Variants in DEAF1 observed in about 807,000 individuals in gnomAD.
DEAF1 encodes deformed epidermal autoregulatory factor 1 homolog.
DEAF1 carries 53 observed loss-of-function variants against 58.9 expected under a neutral mutation model. That is an observed-to-expected ratio of 0.90 (90% confidence interval 0.72 to 1.13). DEAF1 has a LOEUF of 1.13. Ranked by LOEUF, DEAF1 falls within the 50% of genes most tolerant of loss-of-function variation. The pLI, the probability that DEAF1 is intolerant of heterozygous loss-of-function variation, is 0.00. For missense variants in DEAF1, 685 were observed against 791.4 expected (o/e 0.87, Z 1.61); for synonymous variants, 385 against 340.4 (o/e 1.13, Z -1.44).
rs1305775849 is a variant in DEAF1 at position 644,319 on chromosome 11, A to G, written c.*231T>C. ...CTGTGGGCAAGACCGGACGCTCATG[A>G]TCCCAGGGATAAAAAATCTGTCCGC... On this transcript the variant is annotated 3_prime_UTR_variant, in exon 12 of 12. Coordinates refer to ENST00000382409, the MANE Select transcript of DEAF1 (RefSeq NM_021008.4). This position sits in a 1 kb window ranked among gnomAD's most constrained non-coding sequence, Gnocchi z 4.3. The G allele has an allele frequency of 4.9e-6, 3 of 609,132 alleles. No homozygotes were observed. Among genetic ancestry groups the G allele is most frequent in the Non-Finnish European group, 8.9e-6 (3 of 338,814 alleles). 37.7% of individuals were successfully genotyped at this position (609,132 alleles called of 1,614,324 possible).
At chr11:646,500 C>T (rs577509408) in intron 11 of DEAF1, 1 of 152,348 alleles carries the variant, frequency 6.6e-6, no homozygotes, top group South Asian at 2.1e-4. Flanking sequence ...ACAAGGCCCC[C>T]AGGAGTTCTA....
chr11:648,229 T>C (rs546550789), intron 11 of DEAF1, among the ~76,000 whole-genome samples: 15 of 143,598 alleles, frequency 1.0e-4, no homozygotes, highest in South Asian at 2.2e-4. Flanking sequence ...GAGTCTCCCT[T>C]TGTCTCCCAG....
intron 10 of DEAF1, among the ~76,000 whole-genome samples, chr11:670,804 G>T (rs1369676521): frequency 7.7e-6 from 1 of 130,532 alleles, no homozygotes; most frequent in Non-Finnish European, 1.6e-5. Flanking sequence ...TTGAGACGAG[G>T]TCTCACTCTG....
chr11:701,618 C>T (rs1861490598), intron 1 of DEAF1, among the ~76,000 whole-genome samples: 2 of 151,810 alleles, frequency 1.3e-5, no homozygotes, highest in Admixed American at 1.3e-4. Context: ...ACCATGTTAG[C>T]CAGGATGGTT....
At chr11:704,285 A>T (rs925429410) in intron 1 of DEAF1, among the ~76,000 whole-genome samples, 1 of 151,752 alleles carries the variant, frequency 6.6e-6, no homozygotes, top group Non-Finnish European at 1.5e-5. Context: ...TGAGGGCAGG[A>T]GGCTGCGGGA....
intron 10 of DEAF1, among the ~76,000 whole-genome samples, chr11:659,323 G>A (rs191741270): frequency 2.2e-4 from 34 of 152,234 alleles, no homozygotes; most frequent in African/African-American, 7.7e-4. Context: ...AGCCTGGGAG[G>A]TGGAGGTTGC....
At chr11:693,018 A>C (rs908550956) in intron 1 of DEAF1, among the ~76,000 whole-genome samples, 18 of 152,204 alleles carry the variant, frequency 1.2e-4, no homozygotes, top group Non-Finnish European at 2.4e-4. Context: ...GCAGCCGCCC[A>C]AAGCCTCCTC....
At chr11:687,771 C>T in intron 4 of DEAF1, 140 bp downstream of exon 4, 5 of 1,091,122 alleles carry the variant, frequency 4.6e-6, no homozygotes, top group East Asian at 5.0e-5. Context: ...GCTGGTATTA[C>T]AGGCATCAGC....
rs1858418460 is a variant in DEAF1, at chr11:645,000, T to G, written c.1594-346A>C. On this transcript the variant is annotated intron_variant, in intron 11 of 11. Coordinates refer to ENST00000382409, the MANE Select transcript of DEAF1 (RefSeq NM_021008.4). The surrounding 1 kb of genome is among the most constrained non-coding windows in gnomAD (Gnocchi z 4.3). Reference sequence around the variant, plus strand: ...CAACATGGTGAAACCCCGTATCTACTAAAAATACAAAAATTAGCTGGGCAT... The same window carrying G: ...CAACATGGTGAAACCCCGTATCTACGAAAAATACAAAAATTAGCTGGGCAT... 6.6e-6 allele frequency among the ~76,000 whole-genome samples: 1 copy of G among 151,808 alleles called. No individual in the cohort carries two copies. The highest frequency in any genetic ancestry group is 6.6e-5 in the Admixed American group (1 of 15,224).
intron 1 of DEAF1, chr11:694,518 A>C: frequency 3.1e-6 from 1 of 321,700 alleles, no homozygotes; most frequent in East Asian, 4.6e-5. Flanking sequence ...CAGGTGTGAG[A>C]GGCAGATGTG....
In DEAF1 at chr11:688,487, T is replaced by G; in HGVS notation, c.388-27A>C. On this transcript the variant is annotated intron_variant, in intron 2 of 11. Coordinates refer to ENST00000382409, the MANE Select transcript of DEAF1 (RefSeq NM_021008.4). This position sits in a 1 kb window ranked among gnomAD's most constrained non-coding sequence, Gnocchi z 4.3. ...TAGAAGGAAAAACCGCTCCGTCAGG[T>G]CACGTCCGAGAGTGACACCAGGCGT... 6.2e-7 allele frequency: 1 copy of G among 1,612,874 alleles called. No homozygotes were observed. The highest frequency in any genetic ancestry group is 8.5e-7 in the Non-Finnish European group (1 of 1,179,954).
At chr11:700,558 G>A (rs952982610) in intron 1 of DEAF1, 11 of 1,358,652 alleles carry the variant, frequency 8.1e-6, no homozygotes, top group Non-Finnish European at 1.1e-5. Context: ...GCAAGCTGAG[G>A]TGGCTGCTGC....
chr11:692,123 T>C (rs973039272), intron 1 of DEAF1: 1 of 226,340 alleles, frequency 4.4e-6, no homozygotes, highest in Non-Finnish European at 9.0e-6. Flanking sequence ...GACCCCTTCC[T>C]CCTAAAAAGT....
intron 11 of DEAF1, among the ~76,000 whole-genome samples, chr11:650,706 A>C (rs538096231): frequency 3.3e-5 from 5 of 151,584 alleles, no homozygotes; most frequent in African/African-American, 1.2e-4. Flanking sequence ...TCATCCCAGC[A>C]CTTTGGGAGG....
At chr11:690,286 G>C (rs1217236781) in intron 2 of DEAF1, among the ~76,000 whole-genome samples, 338 of 3,776 alleles carry the variant, frequency 0.09, no homozygotes, top group Middle Eastern at 0.25. Flanking sequence ...GAGGGCAGGG[G>C]AGGGCAGGGG....
At chr11:645,385 C>T (rs968984276) in intron 11 of DEAF1, among the ~76,000 whole-genome samples, 4 of 126,530 alleles carry the variant, frequency 3.2e-5, no homozygotes, top group African/African-American at 5.3e-5. Flanking sequence ...CGCGCAATCT[C>T]GGCTCACCAC....
rs1407051916 is a variant in DEAF1 at position 686,868 on chromosome 11, C to T, written c.794G>A (p.Cys265Tyr). The T allele has an allele frequency of 6.2e-7, 1 of 1,614,194 alleles. No homozygotes were observed. Among genetic ancestry groups the T allele is most frequent in the Non-Finnish European group, 8.5e-7 (1 of 1,180,032 alleles). ...GGTCACGGACGATACCTGGATGAGG[C>T]ACTGCAAGGGTCGGCCCGCGTAGCG... is the stretch of plus-strand genomic sequence containing the variant. ...SIRYAGRPLQ[C>Y]LIQDGILNPH... is the part of the protein sequence containing the mutation. The change falls in exon 5 of 12, where the codon TGC becomes TAC. Residue 265 changes from cysteine (C) to tyrosine (Y), a missense_variant. Physicochemically the swap from Cys to Tyr is radical, Grantham distance 194 (BLOSUM62 -2). Transcript: ENST00000382409.
chr11:652,752 ATC>A lies in DEAF1; in HGVS notation c.1593+1208_1593+1209del, dbSNP rs1858836821. Among the ~76,000 whole-genome samples, 16 of 152,128 alleles carry A rather than the reference ATC, an allele frequency of 1.1e-4. 1 individual carries two copies. The highest frequency in any genetic ancestry group is 1.0e-3 in the Admixed American group (16 of 15,248). On this transcript the variant is annotated intron_variant, in intron 11 of 11. Transcript: ENST00000382409. ...ATCACAGGACAAAATATAGACCAGC[ATC>A]TCTCATAAATATGAGAAAAAAAAAC...
intron 1 of DEAF1, chr11:694,490 T>G (rs1590026624): frequency 3.5e-6 from 1 of 286,772 alleles, no homozygotes; most frequent in Non-Finnish European, 6.0e-6. Context: ...GTGGGGAAAG[T>G]GTGAGGGGCG....
Sources: gnomAD v4.1 joint callset for allele counts (sites outside exome capture counted in the v4.1 genomes callset) on GRCh38, gnomAD v4.1.1 for gene constraint, Gnocchi (gnomAD v3.1) non-coding constraint, MANE v1.5 for transcripts, NCBI Gene and HGNC (gene_info 2026-07-23, HGNC 2026-07-21) for gene names.